STRN: variants seen among roughly 807,000 people sequenced by gnomAD.
STRN encodes protein phosphatase 2 regulatory subunit B'''alpha.
A neutral mutation model predicts 96.3 loss-of-function variants in STRN; 53 were observed. The ratio of observed to expected loss-of-function variants is 0.55; its 90% confidence interval spans 0.44 to 0.69. The LOEUF (loss-of-function observed/expected upper bound fraction) is 0.69. Among genes scored for constraint, STRN ranks in the 30% least tolerant of loss-of-function variants. STRN has a pLI of 0.00. For missense variants in STRN, 987 were observed against 963.9 expected (o/e 1.02, Z -0.32); for synonymous variants, 428 against 355.9 (o/e 1.20, Z -2.28).
At chr2:36,957,742 GTCTTTTTTTT>G (rs1359121377) in intron 1 of STRN, among the ~76,000 whole-genome samples, 5 of 103,132 alleles carry the variant, frequency 4.8e-5, no homozygotes, top group Admixed American at 1.1e-4. Context: ...TCTTCTTTTT[GTCTTTTTTTT>G]TTTTTTTTTT....
rs1423184385 is a variant in STRN at position 36,890,135 on chromosome 2, TG to T, written c.932-3310del. Among the ~76,000 whole-genome samples, 4 of 152,302 alleles carry T rather than the reference TG, an allele frequency of 2.6e-5. No homozygotes were observed. The East Asian group carries it at 7.7e-4, about 29-fold the overall frequency. On this transcript the variant is annotated intron_variant, in intron 7 of 17. Transcript: ENST00000263918. ...CAGTGTGGCACAGTAGATGCAGCTA[TG>T]TTGGTGGACTTGCCTAAAATATGAG... is the stretch of plus-strand genomic sequence containing the variant.
At chr2:36,930,369 T>C (rs550570487) in intron 1 of STRN, among the ~76,000 whole-genome samples, 5 of 151,684 alleles carry the variant, frequency 3.3e-5, no homozygotes, top group Admixed American at 6.6e-5. Flanking sequence ...GAGGTGGAAG[T>C]TGCAGTGAGC....
At chr2:36,852,028 G>C (rs1668234366) in intron 15 of STRN, among the ~76,000 whole-genome samples, 1 of 152,132 alleles carries the variant, frequency 6.6e-6, no homozygotes, top group African/African-American at 2.4e-5. Context: ...ATATTACAGT[G>C]AACACATCAA....
intron 14 of STRN, among the ~76,000 whole-genome samples, chr2:36,855,885 T>A (rs1668332158): frequency 6.6e-6 from 1 of 152,158 alleles, no homozygotes. Context: ...ATTTACCATC[T>A]AGAATACATG....
intron 3 of STRN, among the ~76,000 whole-genome samples, chr2:36,914,245 C>T (rs1670034844): frequency 6.6e-6 from 1 of 152,190 alleles, no homozygotes; most frequent in South Asian, 2.1e-4. Context: ...CCCACCTTGG[C>T]CTCCCAAAGT....
At chr2:36,930,270 A>G (rs1261101012) in intron 1 of STRN, among the ~76,000 whole-genome samples, 3 of 152,072 alleles carry the variant, frequency 2.0e-5, no homozygotes, top group African/African-American at 7.2e-5. Context: ...CATCTCTACT[A>G]AAAATACAAA....
chr2:36,954,058 C>T (rs1440528277), intron 1 of STRN, among the ~76,000 whole-genome samples: 2 of 151,906 alleles, frequency 1.3e-5, no homozygotes, highest in African/African-American at 4.8e-5. Flanking sequence ...TTTAGGTTAA[C>T]CAAATAACAT....
chr2:36,931,967 C>T (rs1670586269), intron 1 of STRN, among the ~76,000 whole-genome samples: 10 of 152,038 alleles, frequency 6.6e-5, no homozygotes, highest in Admixed American at 6.6e-4. Context: ...ACTATAGGCG[C>T]ATACGACCAC....
intron 4 of STRN, among the ~76,000 whole-genome samples, chr2:36,904,077 T>C (rs1329737928): frequency 6.6e-6 from 1 of 152,180 alleles, no homozygotes; most frequent in Non-Finnish European, 1.5e-5. Flanking sequence ...ATCTCTTGGA[T>C]AGCTCATTAT....
In STRN at chr2:36,843,421, C is replaced by T. The variant is rs959739548; in HGVS notation, c.*6035G>A. On this transcript the variant is annotated 3_prime_UTR_variant, in exon 18 of 18. Coordinates refer to ENST00000263918, the MANE Select transcript of STRN (RefSeq NM_003162.4). The stretch of plus-strand genomic sequence containing the variant: ...TAAGTAGCGAAACAAAAAATAAAAA[C>T]ATTGTATTTATATATGTGTATAAAT... Among the ~76,000 whole-genome samples the T allele has an allele frequency of 1.3e-5, 2 of 152,090 alleles. No homozygotes were observed. Among genetic ancestry groups the T allele is most frequent in the Admixed American group, 1.3e-4 (2 of 15,246 alleles).
chr2:36,930,629 G>T (rs1031440606), intron 1 of STRN, among the ~76,000 whole-genome samples: 1 of 151,988 alleles, frequency 6.6e-6, no homozygotes, highest in African/African-American at 2.4e-5. Flanking sequence ...GACCAACCTT[G>T]GAGAACCACT....
chr2:36,954,635 CTT>C (rs1250882115), intron 1 of STRN, among the ~76,000 whole-genome samples: 20 of 141,182 alleles, frequency 1.4e-4, no homozygotes, highest in Non-Finnish European at 1.2e-4. Context: ...GAGAGAACCA[CTT>C]TTTTTTTTTT....
chr2:36,906,558 A>T (rs1257089170), intron 3 of STRN, among the ~76,000 whole-genome samples: 3 of 152,198 alleles, frequency 2.0e-5, no homozygotes, highest in Non-Finnish European at 4.4e-5. Flanking sequence ...ATGGTAGAAG[A>T]GCCAATTTGG....
At chr2:36,881,701 T>A (rs1019787098) in intron 9 of STRN, among the ~76,000 whole-genome samples, 1 of 152,218 alleles carries the variant, frequency 6.6e-6, no homozygotes, top group Non-Finnish European at 1.5e-5. Flanking sequence ...ATCAAGGACA[T>A]CTTCTGTGGC....
At chr2:36,882,939 G>C (rs976424076) in intron 9 of STRN, among the ~76,000 whole-genome samples, 3 of 152,028 alleles carry the variant, frequency 2.0e-5, no homozygotes, top group Non-Finnish European at 4.4e-5. Flanking sequence ...GTGTCTAAAA[G>C]AAAGAACTGT....
At chr2:36,952,362 G>T (rs1455731799) in intron 1 of STRN, among the ~76,000 whole-genome samples, 1 of 148,090 alleles carries the variant, frequency 6.8e-6, no homozygotes, top group East Asian at 2.1e-4. Flanking sequence ...AGAATTAATG[G>T]AATCTTGAAA....
intron 6 of STRN, among the ~76,000 whole-genome samples, chr2:36,894,673 A>G (rs1669492285): frequency 6.6e-6 from 1 of 152,230 alleles, no homozygotes; most frequent in South Asian, 2.1e-4. Context: ...TCAATATCTC[A>G]GTTTCTCTAG....
intron 1 of STRN, among the ~76,000 whole-genome samples, chr2:36,934,108 C>T (rs1334691860): frequency 2.0e-5 from 3 of 151,354 alleles, no homozygotes; most frequent in African/African-American, 4.9e-5. Context: ...GACTCCGTCT[C>T]GAAAGAAAAA....
In STRN at chr2:36,845,562, T is replaced by G. The variant is rs983747196; in HGVS notation, c.*3894A>C. The G allele has an allele frequency of 6.6e-6, 1 of 152,130 alleles. No individual in the cohort carries two copies. Among genetic ancestry groups the G allele is most frequent in the Non-Finnish European group, 1.5e-5 (1 of 68,002 alleles). 9.4% of individuals were successfully genotyped at this position (152,130 alleles called of 1,614,324 possible). A position where few individuals can be genotyped will look rare whatever the true frequency, so the allele number is the denominator to read the frequency against. On this transcript the variant is annotated 3_prime_UTR_variant, in exon 18 of 18. Coordinates refer to ENST00000263918, the MANE Select transcript of STRN (RefSeq NM_003162.4). ...TTTACCACATAAGAACTTCATGACA[T>G]GCTGTTTTGTAAGAGGGAAATATAT...
Sources: allele counts gnomAD v4.1 joint callset (sites outside exome capture counted in the v4.1 genomes callset), GRCh38; gene constraint gnomAD v4.1.1; transcripts MANE v1.5; gene names NCBI Gene and HGNC (gene_info 2026-07-23, HGNC 2026-07-21).